Variants in CCDC170 observed in about 807,000 individuals in gnomAD.
CCDC170 encodes the protein coiled-coil domain containing 170.
Under a neutral mutation model 72.6 loss-of-function variants are expected in CCDC170, and 69 were observed. The observed-to-expected ratio is 0.95, with a 90% CI of 0.78 to 1.16. The LOEUF (loss-of-function observed/expected upper bound fraction) is 1.16, where lower values mean the gene tolerates loss of function less well. Among genes scored for constraint, CCDC170 ranks in the 50% most tolerant of loss-of-function variants. CCDC170 has a pLI of 0.00. For synonymous variants in CCDC170, 300 were observed against 303.9 expected (o/e 0.99, Z 0.13); for missense variants, 852 against 832.5 (o/e 1.02, Z -0.29).
intron 5 of CCDC170, among the ~76,000 whole-genome samples, chr6:151,553,675 G>T (rs1188793931): frequency 6.6e-6 from 1 of 151,866 alleles, no homozygotes; most frequent in Non-Finnish European, 1.5e-5. Flanking sequence ...ATGTTGTTCA[G>T]ACTTTGGAAA....
At chr6:151,559,031 G>C (rs1172895673) in intron 5 of CCDC170, among the ~76,000 whole-genome samples, 3 of 31,628 alleles carry the variant, frequency 9.5e-5, no homozygotes, top group Admixed American at 3.2e-4. Flanking sequence ...TTTTTTTTTC[G>C]AGACAGAATC....
At chr6:151,610,262 A>G (rs1282451236) in intron 9 of CCDC170, among the ~76,000 whole-genome samples, 2 of 152,356 alleles carry the variant, frequency 1.3e-5, no homozygotes, top group Non-Finnish European at 2.9e-5. Flanking sequence ...TATGTAACTT[A>G]TAATTATGTA....
intron 1 of CCDC170, among the ~76,000 whole-genome samples, chr6:151,517,434 CT>C (rs377256935): frequency 0.044 from 6,118 of 139,284 alleles, 320 homozygotes; most frequent in African/African-American, 0.14. Context: ...TCTTCTTCTT[CT>C]TTTTTTTTTT....
chr6:151,572,394 T>G (rs2115087623), intron 5 of CCDC170, among the ~76,000 whole-genome samples: 1 of 152,318 alleles, frequency 6.6e-6, no homozygotes, highest in South Asian at 2.1e-4. Flanking sequence ...AGGGGGCATC[T>G]TTATTCAAAT....
chr6:151,501,992 G>A (rs1320091458), intron 1 of CCDC170, among the ~76,000 whole-genome samples: 2 of 152,144 alleles, frequency 1.3e-5, no homozygotes, highest in Non-Finnish European at 2.9e-5. Flanking sequence ...TTGATCTAAG[G>A]CAGAGAAGTT....
At chr6:151,533,147 A>G (rs1249110830) in intron 1 of CCDC170, among the ~76,000 whole-genome samples, 9 of 145,848 alleles carry the variant, frequency 6.2e-5, no homozygotes, top group African/African-American at 2.0e-4. Flanking sequence ...TCCACCTCCC[A>G]GGTTCATGCC....
intron 9 of CCDC170, among the ~76,000 whole-genome samples, chr6:151,604,354 C>T (rs574860744): frequency 2.6e-5 from 4 of 152,138 alleles, no homozygotes; most frequent in African/African-American, 7.2e-5. Context: ...CACTTCTGAA[C>T]GTATACAGCA....
intron 1 of CCDC170, among the ~76,000 whole-genome samples, chr6:151,523,521 ACT>A (rs1782354936): frequency 6.6e-6 from 1 of 152,020 alleles, no homozygotes; most frequent in South Asian, 2.1e-4. Context: ...CCCCGTCTCT[ACT>A]AAAAATACAA....
chr6:151,585,311 T>C (rs1435096513), intron 6 of CCDC170, among the ~76,000 whole-genome samples: 1 of 152,164 alleles, frequency 6.6e-6, no homozygotes, highest in Non-Finnish European at 1.5e-5. Flanking sequence ...ACCTCTCCAA[T>C]GCAAAAATGG....
chr6:151,529,188 T>A (rs1583011158), intron 1 of CCDC170, among the ~76,000 whole-genome samples: 1 of 152,324 alleles, frequency 6.6e-6, no homozygotes, highest in East Asian at 1.9e-4. Flanking sequence ...AATGAATTTA[T>A]ATTATCTTAT....
chr6:151,572,462 C>T (rs543290228), intron 5 of CCDC170, among the ~76,000 whole-genome samples: 145 of 152,092 alleles, frequency 9.5e-4, no homozygotes, highest in African/African-American at 3.2e-3. Context: ...AATAAATTTC[C>T]GTATACACCA....
chr6:151,541,578 G>T (rs954817493), intron 3 of CCDC170, among the ~76,000 whole-genome samples: 2 of 151,858 alleles, frequency 1.3e-5, no homozygotes, highest in Non-Finnish European at 2.9e-5. Context: ...CTTGGTGTAT[G>T]ATGGGTACTC....
chr6:151,496,318 A>C (rs959713413), intron 1 of CCDC170, among the ~76,000 whole-genome samples: 2 of 151,928 alleles, frequency 1.3e-5, no homozygotes, highest in African/African-American at 4.8e-5. Context: ...AAATCATATT[A>C]GTTGAGTAAT....
At chr6:151,502,050 C>T (rs1036828549) in intron 1 of CCDC170, among the ~76,000 whole-genome samples, 1 of 152,210 alleles carries the variant, frequency 6.6e-6, no homozygotes, top group African/African-American at 2.4e-5. Flanking sequence ...CTTTCTCTTA[C>T]TGATACCAGC....
chr6:151,586,095 G>T lies in CCDC170; in HGVS notation c.1293+6G>T. On this transcript the variant is annotated splice_donor_region_variant and intron_variant, in intron 7 of 10. Coordinates refer to ENST00000239374, the MANE Select transcript of CCDC170 (RefSeq NM_025059.4). ...TGAATTTTGAGAAACAAAAAGTAAT[G>T]ACCCGAGGGCATGTCCATGAGTGGA... 1 of 1,613,798 alleles carries T rather than the reference G, an allele frequency of 6.2e-7. No homozygotes were observed. Among genetic ancestry groups the T allele is most frequent in the South Asian group, 1.1e-5 (1 of 90,940 alleles).
chr6:151,569,802 G>C (rs1380356957), intron 5 of CCDC170, among the ~76,000 whole-genome samples: 1 of 152,120 alleles, frequency 6.6e-6, no homozygotes, highest in Non-Finnish European at 1.5e-5. Flanking sequence ...CTTAATCAGA[G>C]CACTAAGGGA....
chr6:151,559,012 CTT>C (rs201171602), intron 5 of CCDC170, among the ~76,000 whole-genome samples: 2,387 of 125,668 alleles, frequency 0.019, 68 homozygotes, highest in African/African-American at 0.068. Context: ...ATTAATTTAT[CTT>C]TTTTTTTTTT....
At chr6:151,572,547 T>TGGAA (rs1316230391) in intron 5 of CCDC170, among the ~76,000 whole-genome samples, 1 of 152,094 alleles carries the variant, frequency 6.6e-6, no homozygotes, top group Non-Finnish European at 1.5e-5. Context: ...CAATGATTTG[T>TGGAA]TTTTATTAAC....
chr6:151,560,149 A>G (rs1783053994), intron 5 of CCDC170, among the ~76,000 whole-genome samples: 1 of 152,008 alleles, frequency 6.6e-6, no homozygotes, highest in Non-Finnish European at 1.5e-5. Context: ...AGAGGTTTTG[A>G]TATGTTGTAT....
Sources: gnomAD v4.1 joint callset for allele counts (sites outside exome capture counted in the v4.1 genomes callset) on GRCh38, gnomAD v4.1.1 for gene constraint, MANE v1.5 for transcripts, NCBI Gene and HGNC (gene_info 2026-07-23, HGNC 2026-07-21) for gene names.